The following MDGA2 variants were observed in gnomAD, a reference collection of about 807,000 sequenced individuals.
MDGA2 encodes MAM domain-containing glycosylphosphatidylinositol anchor protein 2.
In MDGA2, 40 loss-of-function variants were observed where a neutral mutation model predicts 117.8. The ratio of observed to expected loss-of-function variants is 0.34; its 90% CI spans 0.26 to 0.44. MDGA2 has a LOEUF of 0.44. Among genes scored for constraint, MDGA2 ranks in the 20% least tolerant of loss-of-function variants. The pLI, the probability that MDGA2 is intolerant of heterozygous loss-of-function variation, is 1.00. For synonymous variants in MDGA2, 452 were observed against 439.0 expected (o/e 1.03, Z -0.37); for missense variants, 1,123 against 1,250.6 (o/e 0.90, Z 1.54).
At chr14:47,325,707 A>C (rs1372515568) in intron 1 of MDGA2, among the ~76,000 whole-genome samples, 1 of 152,170 alleles carries the variant, frequency 6.6e-6, no homozygotes, top group Non-Finnish European at 1.5e-5. Flanking sequence ...AGGTATAGGG[A>C]ATAAATTTTA....
At chr14:47,397,410 A>G (rs1892036840) in intron 1 of MDGA2, among the ~76,000 whole-genome samples, 2 of 152,094 alleles carry the variant, frequency 1.3e-5, no homozygotes, top group South Asian at 2.1e-4. Context: ...GCAAACCACC[A>G]TGGCATATGT....
rs370481455 is a variant in MDGA2, at chr14:47,540,563, T to TATATATATACATATACATACAC, written c.280+133953_280+133954insGTGTATGTATATGTATATATAT. Among the ~76,000 whole-genome samples the TATATATATACATATACATACAC allele has an allele frequency of 2.2e-3, 248 of 112,522 alleles. 6 individuals are homozygous for TATATATATACATATACATACAC. The highest frequency in any genetic ancestry group is 7.2e-3 in the African/African-American group (245 of 34,144). The allele number at this position is 112,522 out of a possible 152,430, so 73.8% of individuals were successfully genotyped here. A position where few individuals can be genotyped will look rare whatever the true frequency, so the allele number is the denominator to read the frequency against. On this transcript the variant is annotated intron_variant, in intron 1 of 16. Coordinates refer to ENST00000399232, the MANE Select transcript of MDGA2 (RefSeq NM_001113498.3). ...GTGTATATATATATATGTATATATA[T>TATATATATACATATACATACAC]ACACACACACATAGAGAGAGAGACA...
chr14:47,450,734 A>G (rs1194741337), intron 1 of MDGA2, among the ~76,000 whole-genome samples: 1 of 151,956 alleles, frequency 6.6e-6, no homozygotes, highest in African/African-American at 2.4e-5. Flanking sequence ...ATGAATAAGG[A>G]CTCCTTATTT....
At chr14:47,662,395 G>C (rs977865314) in intron 1 of MDGA2, among the ~76,000 whole-genome samples, 3 of 152,118 alleles carry the variant, frequency 2.0e-5, no homozygotes, top group African/African-American at 7.2e-5. Context: ...GTATGTATAT[G>C]CACATGTGCA....
intron 2 of MDGA2, among the ~76,000 whole-genome samples, chr14:47,225,244 G>A (rs1279520348): frequency 2.0e-5 from 3 of 152,038 alleles, no homozygotes; most frequent in African/African-American, 7.2e-5. Context: ...CATTGTGGAA[G>A]TCAGTGTGGC....
At chr14:47,456,695 T>C (rs1379457816) in intron 1 of MDGA2, among the ~76,000 whole-genome samples, 2 of 152,106 alleles carry the variant, frequency 1.3e-5, no homozygotes, top group Non-Finnish European at 2.9e-5. Context: ...TGCCCGTTTG[T>C]GAGAGATAAA....
At chr14:47,447,959 T>C (rs1353817473) in intron 1 of MDGA2, among the ~76,000 whole-genome samples, 4 of 152,008 alleles carry the variant, frequency 2.6e-5, no homozygotes, top group Non-Finnish European at 4.4e-5. Context: ...AACGCTTGTA[T>C]TTTCCTGAGT....
In MDGA2 at chr14:46,845,748, T is replaced by G. The variant is rs1880812863; in HGVS notation, c.2989+18A>C. 4.6e-6 allele frequency: 7 copies of G among 1,519,904 alleles called. No homozygotes were observed. Among genetic ancestry groups the G allele is most frequent in the Non-Finnish European group, 6.4e-6 (7 of 1,098,432 alleles). 94.2% of individuals were successfully genotyped at this position (1,519,904 alleles called of 1,614,324 possible). On this transcript the variant is annotated intron_variant, in intron 16 of 16. Transcript: ENST00000399232. ...ACTTTAACGTTACAACAAACCAATCTCAAGCAAAGATACTTACTCTTAGTT... is the reference window on the plus strand; with the variant it reads ...ACTTTAACGTTACAACAAACCAATCGCAAGCAAAGATACTTACTCTTAGTT...
At chr14:47,435,161 C>T (rs1380776529) in intron 1 of MDGA2, among the ~76,000 whole-genome samples, 1 of 151,942 alleles carries the variant, frequency 6.6e-6, no homozygotes, top group Admixed American at 6.6e-5. Context: ...CAAAACAAAC[C>T]AACATTGCAA....
At chr14:47,607,355 C>A (rs1208832987) in intron 1 of MDGA2, among the ~76,000 whole-genome samples, 3 of 152,074 alleles carry the variant, frequency 2.0e-5, no homozygotes, top group Non-Finnish European at 2.9e-5. Flanking sequence ...GATATATGAA[C>A]CTTGTTCATC....
intron 1 of MDGA2, among the ~76,000 whole-genome samples, chr14:47,484,281 C>T (rs937187616): frequency 6.6e-6 from 1 of 151,928 alleles, no homozygotes. Flanking sequence ...TCCACGGACA[C>T]AACTAGATGT....
intron 8 of MDGA2, among the ~76,000 whole-genome samples, chr14:46,978,592 C>T (rs1886554925): frequency 6.6e-6 from 1 of 151,884 alleles, no homozygotes; most frequent in Admixed American, 6.6e-5. Context: ...TTTAATGTGC[C>T]ATAAATTCCT....
intron 2 of MDGA2, among the ~76,000 whole-genome samples, chr14:47,268,300 C>G (rs1888032351): frequency 6.6e-6 from 1 of 152,046 alleles, no homozygotes; most frequent in South Asian, 2.1e-4. Context: ...GTCTCGAACT[C>G]CTGACCTCAT....
chr14:47,140,985 G>A (rs1303082181), intron 4 of MDGA2, among the ~76,000 whole-genome samples: 1 of 151,990 alleles, frequency 6.6e-6, no homozygotes, highest in African/African-American at 2.4e-5. Flanking sequence ...ATGGGCAAAA[G>A]ATGTAAATAG....
At chr14:47,635,940 C>T (rs1032533152) in intron 1 of MDGA2, among the ~76,000 whole-genome samples, 12 of 152,190 alleles carry the variant, frequency 7.9e-5, no homozygotes, top group Non-Finnish European at 1.2e-4. Context: ...TCTGAGAGAA[C>T]GATGGTGAGA....
At chr14:46,940,482 G>C (rs1201239910) in intron 9 of MDGA2, among the ~76,000 whole-genome samples, 1 of 151,876 alleles carries the variant, frequency 6.6e-6, no homozygotes, top group Admixed American at 6.6e-5. Flanking sequence ...ATAAAAACTG[G>C]CCAGGCATGA....
intron 6 of MDGA2, among the ~76,000 whole-genome samples, chr14:47,093,435 C>A (rs535576571): frequency 7.9e-5 from 12 of 152,138 alleles, no homozygotes; most frequent in African/African-American, 2.6e-4. Context: ...AAAACAGAGA[C>A]CTTTACATGG....
chr14:47,337,834 G>C (rs1198875611), intron 1 of MDGA2, among the ~76,000 whole-genome samples: 1 of 151,952 alleles, frequency 6.6e-6, no homozygotes, highest in Non-Finnish European at 1.5e-5. Flanking sequence ...GTTTACATTA[G>C]AGGAAACATC....
At chr14:46,877,162 A>T (rs1882264370) in intron 12 of MDGA2, among the ~76,000 whole-genome samples, 1 of 151,642 alleles carries the variant, frequency 6.6e-6, no homozygotes, top group Non-Finnish European at 1.5e-5. Context: ...AACGTGTAAC[A>T]ACGATAAAAA....
Sources: allele counts gnomAD v4.1 joint callset (sites outside exome capture counted in the v4.1 genomes callset), GRCh38; gene constraint gnomAD v4.1.1; transcripts MANE v1.5; gene names NCBI Gene and HGNC (gene_info 2026-07-23, HGNC 2026-07-21).